Variants in GDPD5 observed in about 807,000 individuals in gnomAD.
GDPD5 encodes the protein glycerophosphodiester phosphodiesterase 2.
A neutral mutation model predicts 75.1 loss-of-function variants in GDPD5; 48 were observed. The ratio of observed to expected loss-of-function variants is 0.64; its 90% confidence interval spans 0.51 to 0.81. The LOEUF (loss-of-function observed/expected upper bound fraction) is 0.81. GDPD5 is among the 40% of genes least tolerant of loss of function. The pLI, the probability that GDPD5 is intolerant of heterozygous loss-of-function variation, is 0.00. For synonymous variants in GDPD5, 336 were observed against 339.0 expected (o/e 0.99, Z 0.10); for missense variants, 706 against 822.6 (o/e 0.86, Z 1.73).
chr11:75,510,580 A>G (rs1433259913), intron 1 of GDPD5, among the ~76,000 whole-genome samples: 2 of 152,086 alleles, frequency 1.3e-5, no homozygotes, highest in African/African-American at 4.8e-5. Context: ...ACACAGTGTC[A>G]TGTGCTGCCT....
rs757943424 is a variant in GDPD5, at chr11:75,449,053, A to T, written c.638T>A (p.Ile213Asn). The change falls in exon 9 of 17, where the codon ATC becomes AAC. Residue 213 changes from isoleucine (I) to asparagine (N), a missense_variant. Physicochemically the swap from Ile to Asn is moderately radical, Grantham distance 149 (BLOSUM62 -3). Coordinates refer to ENST00000336898, the MANE Select transcript of GDPD5 (RefSeq NM_030792.8). ...CTTCTCCATGATGCAGGGAGAGGAGATGGTGAGAGGGGCCAGGTAGAGGGC... is the reference window on the plus strand; with the variant it reads ...CTTCTCCATGATGCAGGGAGAGGAGTTGGTGAGAGGGGCCAGGTAGAGGGC... Reference protein sequence around the residue: ...VFALYLAPLTISSPCIMEKKD... With the variant: ...VFALYLAPLTNSSPCIMEKKD... The T allele has an allele frequency of 9.3e-6, 15 of 1,608,000 alleles. No individual in the cohort carries two copies. The highest frequency in any genetic ancestry group is 7.8e-5 in the South Asian group (7 of 90,104).
chr11:75,493,545 G>T (rs145674538), intron 1 of GDPD5, among the ~76,000 whole-genome samples: 1 of 152,116 alleles, frequency 6.6e-6, no homozygotes, highest in African/African-American at 2.4e-5. Context: ...GGGACTACAG[G>T]CATGCTACCA....
chr11:75,470,570 G>A (rs891308206), intron 3 of GDPD5, among the ~76,000 whole-genome samples: 13 of 152,278 alleles, frequency 8.5e-5, no homozygotes, highest in African/African-American at 3.1e-4. Context: ...TGGATGTCAC[G>A]TGTGCGGAGA....
chr11:75,508,127 A>G (rs1950442521), intron 1 of GDPD5: 1 of 152,192 alleles, frequency 6.6e-6, no homozygotes, highest in African/African-American at 2.4e-5. Flanking sequence ...ACTCACACCC[A>G]GTGGCTTTAC....
Position 75,444,413 on chromosome 11 carries a change from C to A in GDPD5, c.797G>T (p.Ser266Ile). 1 of 1,611,164 alleles carries A rather than the reference C, an allele frequency of 6.2e-7. No individual in the cohort carries two copies. The highest frequency in any genetic ancestry group is 8.5e-7 in the Non-Finnish European group (1 of 1,177,520). ...LYGLQADITI[S>I]LDGVPFLMHD... ...ACTATCTCCCCTCCGCTACACCTAC[C>A]TGATGGTAATGTCAGCCTGGAGCCC... The change falls in exon 10 of 17, where the codon AGC becomes ATC. Residue 266 changes from serine (S) to isoleucine (I), a missense_variant and splice_region_variant. Transcript: ENST00000336898.
intron 3 of GDPD5, among the ~76,000 whole-genome samples, chr11:75,477,148 C>A (rs887449265): frequency 1.3e-5 from 2 of 152,204 alleles, no homozygotes; most frequent in Admixed American, 1.3e-4. Context: ...TTTCTTTATC[C>A]GGCTGTGCAC....
chr11:75,462,692 C>T, intron 4 of GDPD5, 94 bp downstream of exon 4: 2 of 978,888 alleles, frequency 2.0e-6, no homozygotes, highest in Middle Eastern at 2.8e-4. Flanking sequence ...AGAGGGCCAA[C>T]CTGGGAGACA....
chr11:75,505,071 G>A lies in GDPD5; in HGVS notation c.-144-14751C>T, dbSNP rs568825628. ...CGGGAGGCAGAGGTTGCAGTGAGCC[G>A]AGATCATGCCATTGCACTCCAGCTT... On this transcript the variant is annotated intron_variant, in intron 1 of 16. Transcript: ENST00000336898. 1.1e-4 allele frequency among the ~76,000 whole-genome samples: 17 copies of A among 151,824 alleles called. No homozygotes were observed. The South Asian group carries it at 3.1e-3, about 28-fold the overall frequency.
At chr11:75,497,144 C>T (rs1037051854) in intron 1 of GDPD5, among the ~76,000 whole-genome samples, 2 of 152,044 alleles carry the variant, frequency 1.3e-5, no homozygotes, top group Non-Finnish European at 2.9e-5. Context: ...CTCTTGAATT[C>T]ATACTCTTAC....
At chr11:75,524,325 A>C (rs1592179322) in intron 1 of GDPD5, among the ~76,000 whole-genome samples, 1 of 152,220 alleles carries the variant, frequency 6.6e-6, no homozygotes, top group Admixed American at 6.5e-5. Context: ...GGTCGCCCAG[A>C]TCTCACATCA....
chr11:75,469,045 T>C (rs1024366615), intron 3 of GDPD5, among the ~76,000 whole-genome samples: 13 of 152,352 alleles, frequency 8.5e-5, no homozygotes, highest in African/African-American at 3.1e-4. Context: ...CCTTTAATTA[T>C]GTGAAGACAG....
chr11:75,459,454 C>CCA (rs1949364851), intron 4 of GDPD5, among the ~76,000 whole-genome samples: 2 of 151,820 alleles, frequency 1.3e-5, no homozygotes, highest in South Asian at 4.1e-4. Flanking sequence ...TAGGCACATA[C>CCA]CACTGTGGCT....
At chr11:75,444,557 A>G (rs1948939730) in intron 9 of GDPD5, 62 bp from the exon 10 acceptor site, 6 of 1,266,462 alleles carry the variant, frequency 4.7e-6, no homozygotes, top group Non-Finnish European at 6.9e-6. Flanking sequence ...TCCCCAGCCA[A>G]TGGAAAGTCT....
intron 11 of GDPD5, 78 bp from the exon 12 acceptor site, chr11:75,442,659 C>G: frequency 7.7e-7 from 1 of 1,303,004 alleles, no homozygotes; most frequent in Non-Finnish European, 1.1e-6. Context: ...GGCAACCAAG[C>G]GTGGAGACCC....
At chr11:75,483,609 T>C (rs1949965357) in intron 2 of GDPD5, among the ~76,000 whole-genome samples, 1 of 152,156 alleles carries the variant, frequency 6.6e-6, no homozygotes, top group African/African-American at 2.4e-5. Context: ...CACTACCTCT[T>C]CCCTGAGCCT....
chr11:75,442,902 T>C (rs1002527645), intron 11 of GDPD5: 3 of 617,744 alleles, frequency 4.9e-6, no homozygotes, highest in South Asian at 1.9e-5. Context: ...TATTCACTGC[T>C]CTCATCCCTG....
rs753338857 is a variant in GDPD5 at position 75,444,478 on chromosome 11, C to T, written c.732G>A (p.Thr244=). ...CGAGGGCCTTCCGGAAGGACATGAGCGTGTGCTCTGGAGCCAGCTGGGGAA... is the reference window on the plus strand; with the variant it reads ...CGAGGGCCTTCCGGAAGGACATGAGTGTGTGCTCTGGAGCCAGCTGGGGAA... ...RGAPMLAPEH[T]LMSFRKALEQ... Residue 244 remains threonine (T), a synonymous_variant, in exon 10 of 17, where the codon ACG becomes ACA. Coordinates refer to ENST00000336898, the MANE Select transcript of GDPD5 (RefSeq NM_030792.8). 3.1e-5 allele frequency: 50 copies of T among 1,613,486 alleles called. No homozygotes were observed. Among genetic ancestry groups the T allele is most frequent in the Middle Eastern group, 1.7e-4 (1 of 6,058 alleles).
intron 15 of GDPD5, chr11:75,439,454 G>T: frequency 2.3e-6 from 1 of 426,120 alleles, no homozygotes; most frequent in Non-Finnish European, 4.8e-6. Context: ...CATCAGTCAA[G>T]AATAAAATCC....
At chr11:75,465,934 CAG>C (rs957910519) in intron 3 of GDPD5, among the ~76,000 whole-genome samples, 8 of 152,232 alleles carry the variant, frequency 5.3e-5, no homozygotes, top group South Asian at 2.1e-4. Flanking sequence ...GCAAGGCTGA[CAG>C]GGGGCCAGGA....
Sources: gnomAD v4.1 joint callset for allele counts (sites outside exome capture counted in the v4.1 genomes callset) on GRCh38, gnomAD v4.1.1 for gene constraint, MANE v1.5 for transcripts, NCBI Gene and HGNC (gene_info 2026-07-23, HGNC 2026-07-21) for gene names.